The following DMD variants were observed in gnomAD, a reference collection of about 807,000 sequenced individuals.
The protein encoded by DMD is mutant dystrophin.
DMD carries 63 observed loss-of-function variants against 330.1 expected under a neutral mutation model. The observed-to-expected ratio is 0.19, with a 90% CI of 0.16 to 0.24. DMD has a LOEUF of 0.24. DMD is among the 10% of genes least tolerant of loss of function. The pLI is 1.00. For missense variants in DMD, 3,344 were observed against 2,684.1 expected (o/e 1.25, Z -5.43); for synonymous variants, 1,223 against 959.8 (o/e 1.27, Z -5.07).
chrX:31,716,380 T>C (rs777760837), intron 52 of DMD, among the ~76,000 whole-genome samples: 6 of 111,634 alleles, frequency 5.4e-5, no homozygotes, highest in African/African-American at 9.8e-5. Context: ...GGAGAAACTC[T>C]GTCTCTACTA....
chrX:31,994,711 C>CAA (rs1277514508), intron 44 of DMD, among the ~76,000 whole-genome samples: 1 of 111,600 alleles, frequency 9.0e-6, no homozygotes, highest in Non-Finnish European at 1.9e-5. Flanking sequence ...ACTTGAGGAT[C>CAA]ATCAGCCTTT....
chrX:31,929,860 G>T, intron 46 of DMD, 115 bp from the exon 47 acceptor site: 1 of 886,526 alleles, frequency 1.1e-6, no homozygotes, highest in Non-Finnish European at 1.6e-6. Context: ...CGAGGGCCCA[G>T]TGGTACCTCA....
At chrX:33,092,316 C>A (rs2095096422) in intron 1 of DMD, among the ~76,000 whole-genome samples, 1 of 111,841 alleles carries the variant, frequency 8.9e-6, no homozygotes, top group Non-Finnish European at 1.9e-5. Flanking sequence ...TATATCTGAT[C>A]ATTATGTATC....
At chrX:32,833,779 T>C (rs5971663) in intron 4 of DMD, among the ~76,000 whole-genome samples, 3,569 of 108,600 alleles carry the variant, frequency 0.033, 162 homozygotes, top group African/African-American at 0.11. Flanking sequence ...TAAACAGTAC[T>C]ATTTATAGTT....
chrX:32,741,337 A>C (rs1224207287), intron 7 of DMD, among the ~76,000 whole-genome samples: 2 of 111,735 alleles, frequency 1.8e-5, no homozygotes, highest in African/African-American at 6.5e-5. Flanking sequence ...ATTAGCCTCC[A>C]GATGTTCACA....
chrX:32,339,773 A>C lies in DMD; in HGVS notation c.5922+2327T>G, dbSNP rs72626036. 1.6e-3 allele frequency among the ~76,000 whole-genome samples: 178 copies of C among 112,199 alleles called. 2 individuals are homozygous for C. In the East Asian group the frequency reaches 0.042, roughly 27 times the overall value. On this transcript the variant is annotated intron_variant, in intron 41 of 78. Coordinates refer to ENST00000357033, the MANE Select transcript of DMD (RefSeq NM_004006.3). ...TTTAAGAGTACCGCTTACTATTTCAACATGTTGCTGTAAAGACATGAAAGA... is the reference window on the plus strand; with the variant it reads ...TTTAAGAGTACCGCTTACTATTTCACCATGTTGCTGTAAAGACATGAAAGA...
At chrX:32,454,561 C>A (rs2098347613) in intron 26 of DMD, 101 bp downstream of exon 26, 2 of 651,436 alleles carry the variant, frequency 3.1e-6, no homozygotes, top group Admixed American at 3.6e-5. Flanking sequence ...CTCTTAGAAC[C>A]AGGAAAGAGC....
chrX:33,222,279 T>A (rs774663588), intron 1 of DMD, among the ~76,000 whole-genome samples: 1 of 111,816 alleles, frequency 8.9e-6, no homozygotes, highest in Non-Finnish European at 1.9e-5. Context: ...TATTAACAGG[T>A]CATAGAGGAA....
chrX:32,802,310 A>C (rs1417176326), intron 7 of DMD, among the ~76,000 whole-genome samples: 1 of 111,356 alleles, frequency 9.0e-6, no homozygotes, highest in Non-Finnish European at 1.9e-5. Context: ...GCTGTTTATT[A>C]TCGGTGTATA....
intron 62 of DMD, among the ~76,000 whole-genome samples, chrX:31,309,908 C>T (rs764540399): frequency 9.0e-5 from 10 of 111,615 alleles, no homozygotes; most frequent in African/African-American, 2.9e-4. Flanking sequence ...AGCCACGACT[C>T]ATAAATCCAA....
chrX:33,212,030 T>C (rs952130292), upstream of DMD, among the ~76,000 whole-genome samples: 1 of 112,209 alleles, frequency 8.9e-6, no homozygotes, highest in Non-Finnish European at 1.9e-5. Flanking sequence ...TCAAAAGTTA[T>C]GTATTGATGA....
chrX:31,606,243 T>C lies in DMD; in HGVS notation c.8217+21430A>G, dbSNP rs1318861473. Among the ~76,000 whole-genome samples, 4 of 112,025 alleles carry C rather than the reference T, an allele frequency of 3.6e-5. No individual in the cohort carries two copies. In the East Asian group the frequency reaches 1.1e-3, roughly 32 times the overall value. ...CCAGCCATGTGGAACTGTGAGTCAA[T>C]TAAACCTCTTTCCTTTAGAAATTAC... On this transcript the variant is annotated intron_variant, in intron 55 of 78. Transcript: ENST00000357033.
chrX:31,548,300 G>A (rs1270426072), intron 55 of DMD, among the ~76,000 whole-genome samples: 1 of 111,423 alleles, frequency 9.0e-6, no homozygotes, highest in African/African-American at 3.3e-5. Flanking sequence ...TCTCTGTGGT[G>A]GGATCCAGAC....
chrX:31,212,954 A>C (rs767000892), intron 64 of DMD, among the ~76,000 whole-genome samples: 1 of 112,663 alleles, frequency 8.9e-6, no homozygotes, highest in Non-Finnish European at 1.9e-5. Flanking sequence ...AGTTCATCCT[A>C]TAGGTCAATC....
At chrX:32,517,439 C>T (rs1303173122) in intron 18 of DMD, 1 of 112,178 alleles carries the variant, frequency 8.9e-6, no homozygotes, top group Non-Finnish European at 1.9e-5. Flanking sequence ...AAGGGAATAA[C>T]AACAACAAAG....
At chrX:32,633,680 G>T (rs2058897803) in intron 11 of DMD, among the ~76,000 whole-genome samples, 1 of 112,027 alleles carries the variant, frequency 8.9e-6, no homozygotes, top group South Asian at 3.7e-4. Context: ...TTGGCTCACA[G>T]TTCTACAGGC....
At chrX:32,957,759 T>A (rs1336708261) in intron 2 of DMD, among the ~76,000 whole-genome samples, 4 of 111,105 alleles carry the variant, frequency 3.6e-5, no homozygotes, top group South Asian at 3.8e-4. Context: ...AAGATCTACA[T>A]CAGCAGCCAA....
intron 39 of DMD, among the ~76,000 whole-genome samples, chrX:32,345,147 G>A (rs1393193020): frequency 9.0e-6 from 1 of 111,137 alleles, no homozygotes; most frequent in Admixed American, 9.6e-5. Flanking sequence ...TGATTTACAA[G>A]GAAAAGCTCA....
rs138655770 is a variant in DMD at position 32,790,453 on chromosome X, C to T, written c.649+19040G>A. On this transcript the variant is annotated intron_variant, in intron 7 of 78. Transcript: ENST00000357033. ...GATACTGTGCAAAGGCATTGCTTCACGGAAGAAGCCCATGCTGGGTTCCAC... is the reference window on the plus strand; with the variant it reads ...GATACTGTGCAAAGGCATTGCTTCATGGAAGAAGCCCATGCTGGGTTCCAC... 9.4e-3 allele frequency among the ~76,000 whole-genome samples: 1,052 copies of T among 111,729 alleles called. 14 individuals carry two copies. The highest frequency in any genetic ancestry group is 0.032 in the African/African-American group (975 of 30,737).
Sources: allele counts gnomAD v4.1 joint callset (sites outside exome capture counted in the v4.1 genomes callset), GRCh38; gene constraint gnomAD v4.1.1; transcripts MANE v1.5; gene names NCBI Gene and HGNC (gene_info 2026-07-23, HGNC 2026-07-21).